TRIM71: variants seen among roughly 807,000 people sequenced by gnomAD.
TRIM71 encodes the protein E3 ubiquitin-protein ligase TRIM71.
In TRIM71, 9 loss-of-function variants were observed where a neutral mutation model predicts 61.2. The observed-to-expected ratio is 0.15, with a 90% CI of 0.09 to 0.26. The LOEUF (loss-of-function observed/expected upper bound fraction) is 0.26. Among genes scored for constraint, TRIM71 ranks in the 10% least tolerant of loss-of-function variants. The pLI is 1.00. For synonymous variants in TRIM71, 645 were observed against 553.2 expected, an observed-to-expected ratio of 1.17 and a Z score of -2.33; for missense variants, 998 against 1,238.7, an observed-to-expected ratio of 0.81 and a Z score of 2.92.
chr3:32,847,054 T>C (rs920931146), intron 1 of TRIM71, among the ~76,000 whole-genome samples: 1 of 152,094 alleles, frequency 6.6e-6, no homozygotes, highest in Admixed American at 6.5e-5. Context: ...TTGTTTTGTT[T>C]TGTTTGAGTT....
chr3:32,854,465 TG>T (rs1159502220), intron 1 of TRIM71, among the ~76,000 whole-genome samples: 7 of 152,324 alleles, frequency 4.6e-5, no homozygotes, highest in African/African-American at 1.7e-4. Flanking sequence ...AGTTTTCCTC[TG>T]GTTCTCTGTG....
intron 1 of TRIM71, among the ~76,000 whole-genome samples, chr3:32,821,261 A>G (rs544733290): frequency 6.6e-6 from 1 of 152,290 alleles, no homozygotes; most frequent in East Asian, 1.9e-4. Context: ...AAATCCACAT[A>G]TTTTAATGTG....
At chr3:32,823,888 A>G (rs529664955) in intron 1 of TRIM71, among the ~76,000 whole-genome samples, 181 of 152,310 alleles carry the variant, frequency 1.2e-3, no homozygotes, top group African/African-American at 4.3e-3. Flanking sequence ...CCTGGCCAAC[A>G]TGGTGAAACC....
In TRIM71 at chr3:32,818,169, C is replaced by A; in HGVS notation, c.89C>A (p.Ser30Tyr). The change falls in exon 1 of 4, where the codon TCC becomes TAC. Residue 30 changes from serine to tyrosine, a missense_variant. Coordinates refer to ENST00000383763, the MANE Select transcript of TRIM71 (RefSeq NM_001039111.3). ...CCGGCGCCGCTCTCCTCCAACTCGTCCGCGTCGTCGTCCTCCTCGCAGACG... is the reference window on the plus strand; with the variant it reads ...CCGGCGCCGCTCTCCTCCAACTCGTACGCGTCGTCGTCCTCCTCGCAGACG... The part of the protein sequence containing the change: ...GSPAPLSSNS[S>Y]ASSSSSQTST... 6.2e-7 allele frequency: 1 copy of A among 1,603,728 alleles called. No homozygotes were observed. The highest frequency in any genetic ancestry group is 8.5e-7 in the Non-Finnish European group (1 of 1,175,762).
At position 32,891,431 on chromosome 3, in the gene TRIM71, C is replaced by T. The variant is rs1697023332; in HGVS notation, c.2227C>T (p.Leu743Phe). Residue 743 changes from leucine to phenylalanine, a missense_variant, in exon 4 of 4, where the codon CTC becomes TTC. Transcript: ENST00000383763. This position sits in a 1 kb window ranked among gnomAD's most constrained non-coding sequence, Gnocchi z 8.2. Reference sequence around the variant, plus strand: ...AAACAAGTATGGCTTCGAGGGGGCTCTCTGGAAGCACTTTGACTCCCCACG... The same window carrying T: ...AAACAAGTATGGCTTCGAGGGGGCTTTCTGGAAGCACTTTGACTCCCCACG... Reference protein sequence around the residue: ...FLNKYGFEGALWKHFDSPRGV... With the variant: ...FLNKYGFEGAFWKHFDSPRGV... The T allele has an allele frequency of 1.2e-6, 2 of 1,613,882 alleles. No individual in the cohort carries two copies. Among genetic ancestry groups the T allele is most frequent in the Non-Finnish European group, 1.7e-6 (2 of 1,180,018 alleles).
intron 2 of TRIM71, among the ~76,000 whole-genome samples, chr3:32,884,706 G>T (rs1696942160): frequency 6.6e-6 from 1 of 152,136 alleles, no homozygotes; most frequent in South Asian, 2.1e-4. Flanking sequence ...GCTAGATAGT[G>T]GTGGTGATTA....
intron 1 of TRIM71, among the ~76,000 whole-genome samples, chr3:32,870,979 T>TTC (rs1696789520): frequency 6.6e-6 from 1 of 151,902 alleles, no homozygotes; most frequent in African/African-American, 2.4e-5. Context: ...TTTTTTTTTT[T>TTC]TTTTTTGGTA....
intron 1 of TRIM71, among the ~76,000 whole-genome samples, chr3:32,825,943 G>C (rs1281747708): frequency 6.6e-6 from 1 of 152,088 alleles, no homozygotes; most frequent in Non-Finnish European, 1.5e-5. Context: ...TGACTGTTTT[G>C]ATTGACAAGA....
At chr3:32,881,664 A>AT (rs1273421214) in intron 2 of TRIM71, among the ~76,000 whole-genome samples, 5 of 152,128 alleles carry the variant, frequency 3.3e-5, no homozygotes, top group Non-Finnish European at 5.9e-5. Flanking sequence ...TTGTTGGGTG[A>AT]TTTCTCTTTT....
At chr3:32,859,328 C>T (rs897659099) in intron 1 of TRIM71, among the ~76,000 whole-genome samples, 13 of 152,216 alleles carry the variant, frequency 8.5e-5, no homozygotes, top group African/African-American at 2.4e-4. Flanking sequence ...GGCGTGATGT[C>T]GGCTCACTGC....
intron 1 of TRIM71, among the ~76,000 whole-genome samples, chr3:32,854,918 G>T (rs957487424): frequency 6.6e-6 from 1 of 152,098 alleles, no homozygotes; most frequent in African/African-American, 2.4e-5. Context: ...CCTTACCCAC[G>T]GTCAGCCACA....
chr3:32,863,558 C>G (rs529129842), intron 1 of TRIM71, among the ~76,000 whole-genome samples: 2 of 152,164 alleles, frequency 1.3e-5, no homozygotes, highest in Non-Finnish European at 2.9e-5. Flanking sequence ...TTGTTTTCTT[C>G]CACGTTGAGT....
rs893332909 is a variant in TRIM71 at position 32,896,211 on chromosome 3, T to C, written c.*4400T>C. The C allele has an allele frequency of 6.6e-6, 1 of 152,220 alleles. No homozygotes were observed. Among genetic ancestry groups the C allele is most frequent in the Non-Finnish European group, 1.5e-5 (1 of 68,040 alleles). The allele number at this position is 152,220 out of a possible 1,614,324, so 9.4% of individuals were successfully genotyped here. A position where few individuals can be genotyped will look rare whatever the true frequency, so the allele number is the denominator to read the frequency against. ...CTGTATTTCGAATGTCTGCAAATAA[T>C]ACCCTTTAGGAGCAATTCTAAAGGT... is the stretch of plus-strand genomic sequence containing the variant. On this transcript the variant is annotated 3_prime_UTR_variant, in exon 4 of 4. Coordinates refer to ENST00000383763, the MANE Select transcript of TRIM71 (RefSeq NM_001039111.3).
At chr3:32,878,815 C>T (rs1696876935) in intron 2 of TRIM71, among the ~76,000 whole-genome samples, 1 of 152,118 alleles carries the variant, frequency 6.6e-6, no homozygotes, top group Non-Finnish European at 1.5e-5. Flanking sequence ...TACATTAGTC[C>T]CTACCAAGAG....
At chr3:32,824,633 G>A (rs1696180520) in intron 1 of TRIM71, among the ~76,000 whole-genome samples, 1 of 152,126 alleles carries the variant, frequency 6.6e-6, no homozygotes, top group South Asian at 2.1e-4. Context: ...ACAGGCTCTA[G>A]CCATCACACC....
intron 1 of TRIM71, among the ~76,000 whole-genome samples, chr3:32,866,782 G>A (rs921614098): frequency 2.6e-5 from 4 of 152,170 alleles, no homozygotes; most frequent in African/African-American, 9.7e-5. Flanking sequence ...GTAGAATGGG[G>A]CATTGGGGGA....
chr3:32,864,856 G>A (rs1696714252), intron 1 of TRIM71, among the ~76,000 whole-genome samples: 1 of 10,258 alleles, frequency 9.7e-5, no homozygotes, highest in African/African-American at 2.3e-4. Context: ...GTGTGTGTGT[G>A]TGTGTGTGTG....
intron 1 of TRIM71, among the ~76,000 whole-genome samples, chr3:32,840,947 C>T (rs1696397031): frequency 6.6e-6 from 1 of 152,136 alleles, no homozygotes; most frequent in Admixed American, 6.6e-5. Flanking sequence ...TCTATCCCTT[C>T]CTCATTTAAA....
chr3:32,885,064 C>T (rs1696945989), intron 2 of TRIM71, among the ~76,000 whole-genome samples: 1 of 152,066 alleles, frequency 6.6e-6, no homozygotes, highest in African/African-American at 2.4e-5. Context: ...GTCCCACATC[C>T]CAGAAACCCC....
Sources: allele counts gnomAD v4.1 joint callset (sites outside exome capture counted in the v4.1 genomes callset), GRCh38; gene constraint gnomAD v4.1.1; non-coding constraint Gnocchi (gnomAD v3.1); transcripts MANE v1.5; gene names NCBI Gene and HGNC (gene_info 2026-07-23, HGNC 2026-07-21).